Variants in ANO10 observed in about 807,000 individuals in gnomAD.
ANO10 encodes anoctamin-10.
Under a neutral mutation model 74.7 loss-of-function variants are expected in ANO10, and 77 were observed. The ratio of observed to expected loss-of-function variants is 1.03; its 90% CI spans 0.86 to 1.25. The LOEUF (loss-of-function observed/expected upper bound fraction) is 1.25, where lower values mean the gene tolerates loss of function less well. Ranked by LOEUF, ANO10 falls within the 50% of genes most tolerant of loss-of-function variation. The pLI, the probability that ANO10 is intolerant of heterozygous loss-of-function variation, is 0.00. For synonymous variants in ANO10, 279 were observed against 284.9 expected, an observed-to-expected ratio of 0.98 and a Z score of 0.21; for missense variants, 721 against 778.1, an observed-to-expected ratio of 0.93 and a Z score of 0.87.
chr3:43,623,688 G>A (rs78546565), upstream of ANO10, among the ~76,000 whole-genome samples: 1,205 of 152,304 alleles, frequency 7.9e-3, 19 homozygotes, highest in African/African-American at 0.028. Context: ...GCAGGAGGCA[G>A]GGAAACTAAA....
At chr3:43,554,813 GT>G (rs2079658023) in intron 10 of ANO10, among the ~76,000 whole-genome samples, 1 of 152,138 alleles carries the variant, frequency 6.6e-6, no homozygotes, top group Non-Finnish European at 1.5e-5. Flanking sequence ...GTGCAGGGTT[GT>G]GGTGAAACTC....
At chr3:43,506,674 C>T (rs924611696) in intron 11 of ANO10, among the ~76,000 whole-genome samples, 1 of 152,142 alleles carries the variant, frequency 6.6e-6, no homozygotes, top group Non-Finnish European at 1.5e-5. Flanking sequence ...CACCCCTGGG[C>T]CTTTAGGGTG....
intron 11 of ANO10, among the ~76,000 whole-genome samples, chr3:43,468,580 A>G (rs1292785775): frequency 2.0e-5 from 3 of 152,222 alleles, no homozygotes; most frequent in Non-Finnish European, 2.9e-5. Context: ...AAGTTCCCAC[A>G]GCACCCAATG....
intron 11 of ANO10, among the ~76,000 whole-genome samples, chr3:43,524,648 G>A (rs900859664): frequency 3.9e-5 from 6 of 152,142 alleles, no homozygotes; most frequent in Non-Finnish European, 8.8e-5. Flanking sequence ...CCACCCAACT[G>A]CCCACTGGGC....
At chr3:43,541,908 G>A (rs886479286) in intron 11 of ANO10, among the ~76,000 whole-genome samples, 4 of 152,196 alleles carry the variant, frequency 2.6e-5, no homozygotes, top group African/African-American at 9.7e-5. Context: ...AGGGGAAGGA[G>A]ACTAACAAAC....
chr3:43,466,320 G>A (rs1190055986), intron 11 of ANO10, among the ~76,000 whole-genome samples: 1 of 136,194 alleles, frequency 7.3e-6, no homozygotes, highest in African/African-American at 2.7e-5. Flanking sequence ...GCAGTGAGCC[G>A]AGATCACTGC....
At chr3:43,607,814 T>C (rs1229319805) in intron 1 of ANO10, among the ~76,000 whole-genome samples, 1 of 152,198 alleles carries the variant, frequency 6.6e-6, no homozygotes, top group African/African-American at 2.4e-5. Flanking sequence ...CTGAAAATTA[T>C]TTTTAATGGA....
At chr3:43,424,056 C>T (rs1278955078) in intron 12 of ANO10, among the ~76,000 whole-genome samples, 2 of 152,172 alleles carry the variant, frequency 1.3e-5, no homozygotes, top group African/African-American at 4.8e-5. Flanking sequence ...TCCTCATTCC[C>T]CCAACACACT....
chr3:43,429,017 A>T (rs2092941887), intron 12 of ANO10, among the ~76,000 whole-genome samples: 1 of 152,124 alleles, frequency 6.6e-6, no homozygotes. Context: ...GATGAGCATA[A>T]ATAAATTTGG....
intron 4 of ANO10, among the ~76,000 whole-genome samples, chr3:43,585,397 G>C (rs192232481): frequency 1.3e-5 from 2 of 152,274 alleles, no homozygotes; most frequent in Admixed American, 6.5e-5. Context: ...GCCTCATCCT[G>C]CCAGCAAGAA....
chr3:43,673,862 C>T (rs1473733086), intron 1 of ANO10, among the ~76,000 whole-genome samples: 1 of 152,050 alleles, frequency 6.6e-6, no homozygotes, highest in Non-Finnish European at 1.5e-5. Flanking sequence ...TTCCTTTACT[C>T]TTTCTTCTCT....
chr3:43,515,068 TA>T (rs1412388602), intron 11 of ANO10, among the ~76,000 whole-genome samples: 2 of 152,008 alleles, frequency 1.3e-5, no homozygotes, highest in African/African-American at 4.8e-5. Context: ...AGCAAAGAAA[TA>T]GAAAATAGTA....
At chr3:43,443,366 A>C (rs999981974) in intron 11 of ANO10, among the ~76,000 whole-genome samples, 1 of 152,236 alleles carries the variant, frequency 6.6e-6, no homozygotes, top group Non-Finnish European at 1.5e-5. Context: ...GAACTCAGGG[A>C]AGTGACCAGC....
At chr3:43,620,877 T>A (rs2083360957) in intron 1 of ANO10, among the ~76,000 whole-genome samples, 1 of 152,256 alleles carries the variant, frequency 6.6e-6, no homozygotes, top group Admixed American at 6.5e-5. Flanking sequence ...ATTTCATTCA[T>A]CTGCAACTCT....
chr3:43,396,959 C>T (rs1361749322), intron 12 of ANO10, among the ~76,000 whole-genome samples: 4 of 147,574 alleles, frequency 2.7e-5, no homozygotes, highest in Admixed American at 6.7e-5. Context: ...GATGGAGTTT[C>T]GCTCTTGTTG....
chr3:43,404,461 C>G (rs1451213288), intron 12 of ANO10, among the ~76,000 whole-genome samples: 1 of 152,206 alleles, frequency 6.6e-6, no homozygotes, highest in Admixed American at 6.5e-5. Context: ...TTGCAGCCTA[C>G]TAAGACCCTG....
intron 1 of ANO10, among the ~76,000 whole-genome samples, chr3:43,662,425 T>C (rs989215819): frequency 7.2e-5 from 11 of 152,094 alleles, no homozygotes; most frequent in African/African-American, 2.2e-4. Context: ...TAGAGGGAAA[T>C]TGATACTACT....
At chr3:43,594,374 C>T (rs1028725491) in intron 4 of ANO10, among the ~76,000 whole-genome samples, 1 of 152,182 alleles carries the variant, frequency 6.6e-6, no homozygotes, top group African/African-American at 2.4e-5. Flanking sequence ...AAGTACTCCT[C>T]AGCAAATGAA....
At chr3:43,382,376 G>A (rs545662719) in intron 12 of ANO10, among the ~76,000 whole-genome samples, 10 of 151,972 alleles carry the variant, frequency 6.6e-5, no homozygotes, top group South Asian at 2.1e-4. Flanking sequence ...AAAATTAGCC[G>A]GGCGTGGTAG....
Sources: allele counts gnomAD v4.1 joint callset (sites outside exome capture counted in the v4.1 genomes callset), GRCh38; gene constraint gnomAD v4.1.1; transcripts MANE v1.5; gene names NCBI Gene and HGNC (gene_info 2026-07-23, HGNC 2026-07-21).